RBFOX1: variants seen among roughly 807,000 people sequenced by gnomAD.
RBFOX1 encodes the protein RNA binding protein fox-1 homolog 1.
RBFOX1 carries 8 observed loss-of-function variants against 57.7 expected under a neutral mutation model. The ratio of observed to expected loss-of-function variants is 0.14; its 90% CI spans 0.08 to 0.25. The LOEUF (loss-of-function observed/expected upper bound fraction) is 0.25. Among genes scored for constraint, RBFOX1 ranks in the 10% least tolerant of loss-of-function variants. The probability of loss-of-function intolerance (pLI) is 1.00; values close to 1 mark genes in which losing one functional copy is unlikely to be tolerated. For synonymous variants in RBFOX1, 326 were observed against 222.4 expected (o/e 1.47, Z -4.15); for missense variants, 611 against 548.5 (o/e 1.11, Z -1.14).
At chr16:5,402,077 T>C (rs931937072) in intron 1 of RBFOX1, among the ~76,000 whole-genome samples, 4 of 152,046 alleles carry the variant, frequency 2.6e-5, no homozygotes, top group African/African-American at 9.7e-5. Flanking sequence ...TGGAGAGTAC[T>C]CCCGGGCTAA....
intron 3 of RBFOX1, among the ~76,000 whole-genome samples, chr16:6,940,896 A>G (rs1046568937): frequency 1.4e-4 from 17 of 122,420 alleles, no homozygotes; most frequent in Admixed American, 3.4e-4. Context: ...TGTGTTAGAG[A>G]TGGGGTTTCA....
chr16:7,248,431 T>C lies in RBFOX1; in HGVS notation c.27+196333T>C, dbSNP rs116028519. Among the ~76,000 whole-genome samples, 459 of 152,290 alleles carry C rather than the reference T, an allele frequency of 3.0e-3. 5 individuals are homozygous for C. The highest frequency in any genetic ancestry group is 0.01 in the African/African-American group (435 of 41,558). On this transcript the variant is annotated intron_variant, in intron 4 of 15. Transcript: ENST00000550418. ...TTCTAGCTGAGTCCCTTCATATCTTTCCAGTCATTTGGGGGAAAAGGTAGG... is the reference window on the plus strand; with the variant it reads ...TTCTAGCTGAGTCCCTTCATATCTTCCCAGTCATTTGGGGGAAAAGGTAGG...
chr16:6,245,327 C>T (rs1241658068), intron 1 of RBFOX1, among the ~76,000 whole-genome samples: 2 of 152,082 alleles, frequency 1.3e-5, no homozygotes, highest in South Asian at 2.1e-4. Flanking sequence ...TTGCCAAATA[C>T]GTTTTCCTTG....
At chr16:6,972,900 G>C (rs944073658) in intron 3 of RBFOX1, among the ~76,000 whole-genome samples, 20 of 152,164 alleles carry the variant, frequency 1.3e-4, no homozygotes, top group Middle Eastern at 3.2e-3. Flanking sequence ...GAAGTGGGTG[G>C]ATCACTTGAG....
At chr16:7,706,829 A>G (rs1380808676) in intron 14 of RBFOX1, among the ~76,000 whole-genome samples, 2 of 152,230 alleles carry the variant, frequency 1.3e-5, no homozygotes, top group African/African-American at 2.4e-5. Flanking sequence ...TTTTCCTTTT[A>G]TGCCTGTTAC....
chr16:7,094,545 A>G (rs1263925795), intron 4 of RBFOX1, among the ~76,000 whole-genome samples: 4 of 151,956 alleles, frequency 2.6e-5, no homozygotes, highest in Non-Finnish European at 5.9e-5. Flanking sequence ...TGATGTTATC[A>G]TTCGAAGTCA....
At chr16:6,696,707 T>A (rs1344553197) in intron 3 of RBFOX1, among the ~76,000 whole-genome samples, 1 of 151,970 alleles carries the variant, frequency 6.6e-6, no homozygotes, top group Non-Finnish European at 1.5e-5. Flanking sequence ...TTTTTTTCCA[T>A]GTAACTTCCT....
intron 2 of RBFOX1, among the ~76,000 whole-genome samples, chr16:6,619,765 C>G (rs999161799): frequency 6.8e-6 from 1 of 147,406 alleles, no homozygotes; most frequent in Non-Finnish European, 1.5e-5. Context: ...ATAGGTAAAC[C>G]TGTGTCATGG....
intron 3 of RBFOX1, among the ~76,000 whole-genome samples, chr16:6,806,917 T>C (rs2086976937): frequency 6.7e-6 from 1 of 148,382 alleles, no homozygotes; most frequent in African/African-American, 2.5e-5. Flanking sequence ...CACTGCAAAC[T>C]CCACCTCCTG....
chr16:6,261,574 A>T (rs1326617978), intron 1 of RBFOX1, among the ~76,000 whole-genome samples: 2 of 152,232 alleles, frequency 1.3e-5, no homozygotes, highest in African/African-American at 4.8e-5. Context: ...CTTCTCAGCC[A>T]GTCCATCAAG....
At chr16:6,259,834 A>G (rs1294736959) in intron 1 of RBFOX1, among the ~76,000 whole-genome samples, 1 of 151,614 alleles carries the variant, frequency 6.6e-6, no homozygotes, top group Non-Finnish European at 1.5e-5. Flanking sequence ...GGTGGTGCAC[A>G]CCTGTAGTCC....
chr16:7,177,417 C>A (rs772886978), intron 4 of RBFOX1, among the ~76,000 whole-genome samples: 3 of 151,730 alleles, frequency 2.0e-5, no homozygotes, highest in Non-Finnish European at 2.9e-5. Flanking sequence ...CTGACTTGAT[C>A]CTTAAACATT....
chr16:6,464,692 G>A (rs147971352), intron 2 of RBFOX1, among the ~76,000 whole-genome samples: 11 of 152,334 alleles, frequency 7.2e-5, no homozygotes, highest in African/African-American at 2.6e-4. Flanking sequence ...AGAGTGGTCA[G>A]GTCACCTCTC....
intron 3 of RBFOX1, among the ~76,000 whole-genome samples, chr16:6,657,492 C>T (rs984996848): frequency 6.6e-6 from 1 of 152,032 alleles, no homozygotes; most frequent in African/African-American, 2.4e-5. Flanking sequence ...ACACAGGGAG[C>T]CATTGGCTGT....
rs536534618 is a variant in RBFOX1, at chr16:7,473,079, T to G, written c.28-45068T>G. On this transcript the variant is annotated intron_variant, in intron 4 of 15. Transcript: ENST00000550418. ...GGTTGATACAAACGATGAATAGCAT[T>G]AGATTAAAAGGATCTCCGCTAGGTG... Among the ~76,000 whole-genome samples the G allele has an allele frequency of 5.3e-5, 8 of 152,204 alleles. No homozygotes were observed. In the East Asian group the frequency reaches 1.5e-3, roughly 29 times the overall value.
At chr16:6,558,683 C>G (rs1304019877) in intron 2 of RBFOX1, among the ~76,000 whole-genome samples, 1 of 152,058 alleles carries the variant, frequency 6.6e-6, no homozygotes, top group Non-Finnish European at 1.5e-5. Context: ...ACAAAACGCC[C>G]AAACAGGTGC....
At chr16:7,016,914 C>A (rs1468265261) in intron 3 of RBFOX1, among the ~76,000 whole-genome samples, 1 of 152,114 alleles carries the variant, frequency 6.6e-6, no homozygotes, top group Non-Finnish European at 1.5e-5. Context: ...CCTTGAAATC[C>A]CTCACTGGCA....
At chr16:7,388,620 C>A (rs962439888) in intron 4 of RBFOX1, among the ~76,000 whole-genome samples, 1 of 149,474 alleles carries the variant, frequency 6.7e-6, no homozygotes, top group African/African-American at 2.5e-5. Flanking sequence ...CAGGCAGTCC[C>A]CAACTTAAAA....
At chr16:5,280,464 A>G (rs2063244673) in intron 1 of RBFOX1, among the ~76,000 whole-genome samples, 1 of 152,256 alleles carries the variant, frequency 6.6e-6, no homozygotes, top group South Asian at 2.1e-4. Context: ...TGAGTTAGGA[A>G]GAATTCCCTC....
Sources: gnomAD v4.1 joint callset for allele counts (sites outside exome capture counted in the v4.1 genomes callset) on GRCh38, gnomAD v4.1.1 for gene constraint, MANE v1.5 for transcripts, NCBI Gene and HGNC (gene_info 2026-07-23, HGNC 2026-07-21) for gene names.